The following LGSN variants were observed in gnomAD, a reference collection of about 807,000 sequenced individuals.
LGSN encodes lengsin.
A neutral mutation model predicts 19.5 loss-of-function variants in LGSN; 21 were observed. The ratio of observed to expected loss-of-function variants is 1.07; its 90% CI spans 0.76 to 1.55. LGSN has a LOEUF of 1.55. LGSN is among the 40% of genes most tolerant of loss of function. The pLI is 0.00. For missense variants in LGSN, 673 were observed against 608.5 expected (o/e 1.11, Z -1.12); for synonymous variants, 257 against 215.6 (o/e 1.19, Z -1.68).
the LGSN span, among the ~76,000 whole-genome samples, chr6:63,565,909 C>G: frequency 2.0e-5 from 3 of 152,312 alleles, no homozygotes; most frequent in South Asian, 6.2e-4. Context: ...TATTTAAGCA[C>G]TGCAAATTAT....
the LGSN span, among the ~76,000 whole-genome samples, chr6:63,348,840 C>G: frequency 4.6e-5 from 7 of 151,398 alleles, no homozygotes; most frequent in Non-Finnish European, 7.4e-5. Flanking sequence ...ATCCTCCTGC[C>G]TCGCCTTCCT....
chr6:63,380,955 G>C, the LGSN span, among the ~76,000 whole-genome samples: 7 of 152,162 alleles, frequency 4.6e-5, no homozygotes, highest in Admixed American at 3.9e-4. Flanking sequence ...CCAGCACTTT[G>C]AGAGGCCAAG....
the LGSN span, among the ~76,000 whole-genome samples, chr6:63,355,691 G>C: frequency 6.6e-6 from 1 of 152,016 alleles, no homozygotes; most frequent in Non-Finnish European, 1.5e-5. Context: ...TTTTTGTTTT[G>C]TTTTGAGACG....
chr6:63,397,402 A>G, the LGSN span, among the ~76,000 whole-genome samples: 1 of 152,022 alleles, frequency 6.6e-6, no homozygotes, highest in African/African-American at 2.4e-5. Flanking sequence ...AATTACGTGA[A>G]CAATTTTGAG....
chr6:63,510,551 T>G, the LGSN span, among the ~76,000 whole-genome samples: 1 of 150,046 alleles, frequency 6.7e-6, no homozygotes, highest in Non-Finnish European at 1.5e-5. Flanking sequence ...TCCCCCAGAG[T>G]TAATCTCTTC....
the LGSN span, among the ~76,000 whole-genome samples, chr6:63,392,907 T>G: frequency 7.3e-6 from 1 of 137,098 alleles, no homozygotes; most frequent in African/African-American, 2.9e-5. Context: ...TTTTTTTTGA[T>G]ATGGAGTCTT....
the LGSN span, among the ~76,000 whole-genome samples, chr6:63,496,049 C>T: frequency 2.8e-4 from 43 of 152,194 alleles, no homozygotes; most frequent in African/African-American, 1.0e-3. Context: ...GCCTCAGCCT[C>T]CCTAGTAGCT....
At chr6:63,345,619 G>A in the LGSN span, among the ~76,000 whole-genome samples, 3 of 152,226 alleles carry the variant, frequency 2.0e-5, no homozygotes, top group South Asian at 6.2e-4. Context: ...CAGATATCAT[G>A]TTCTCATTTC....
the LGSN span, among the ~76,000 whole-genome samples, chr6:63,521,542 T>C: frequency 3.3e-5 from 5 of 152,234 alleles, no homozygotes; most frequent in Non-Finnish European, 7.3e-5. Flanking sequence ...ATGCCATAAC[T>C]AAGTTTTATT....
the LGSN span, among the ~76,000 whole-genome samples, chr6:63,421,975 G>A: frequency 3.3e-5 from 5 of 152,250 alleles, no homozygotes; most frequent in East Asian, 3.9e-4. Flanking sequence ...AAGAAGCTGA[G>A]TGAAACCCAA....
At chr6:63,560,338 CAAAA>C in the LGSN span, among the ~76,000 whole-genome samples, 2 of 50,580 alleles carry the variant, frequency 4.0e-5, no homozygotes, top group Admixed American at 2.0e-4. Context: ...GACTCCGTCT[CAAAA>C]AAAAAAAAAA....
the LGSN span, among the ~76,000 whole-genome samples, chr6:63,422,827 A>G: frequency 6.6e-6 from 1 of 152,166 alleles, no homozygotes; most frequent in African/African-American, 2.4e-5. Context: ...TACAAACAGA[A>G]AATCAAAAAA....
intron 2 of LGSN, among the ~76,000 whole-genome samples, chr6:63,291,019 A>G (rs991434204): frequency 2.6e-5 from 4 of 152,226 alleles, no homozygotes; most frequent in Non-Finnish European, 4.4e-5. Context: ...AAGCCAAAGT[A>G]GAGAGAAATT....
intron 3 of LGSN, 84 bp from the exon 4 acceptor site, chr6:63,281,304 A>AAAATATATATATATATAT (rs1472299320): frequency 7.4e-6 from 1 of 135,468 alleles, no homozygotes; most frequent in Non-Finnish European, 1.4e-5. Context: ...TGCTAATGAA[A>AAAATATATATATATATAT]ATATATATAT....
chr6:63,313,053 G>T (rs1008440245), intron 1 of LGSN, among the ~76,000 whole-genome samples: 2 of 152,132 alleles, frequency 1.3e-5, no homozygotes, highest in African/African-American at 4.8e-5. Context: ...CTTGACAGTG[G>T]TTGGAATTAT....
the LGSN span, among the ~76,000 whole-genome samples, chr6:63,471,516 A>G: frequency 6.6e-6 from 1 of 151,750 alleles, no homozygotes; most frequent in African/African-American, 2.4e-5. Context: ...AAATACAAAA[A>G]TTAGCCAGGT....
the LGSN span, among the ~76,000 whole-genome samples, chr6:63,457,352 A>G: frequency 6.6e-6 from 1 of 152,064 alleles, no homozygotes; most frequent in Non-Finnish European, 1.5e-5. Flanking sequence ...TAAAAATACA[A>G]AATTTAGCCA....
the LGSN span, among the ~76,000 whole-genome samples, chr6:63,493,950 T>C: frequency 6.1e-5 from 7 of 114,676 alleles, no homozygotes; most frequent in Admixed American, 1.8e-4. Context: ...AGAAATCATT[T>C]CTTTTTTTTT....
rs531773499 is a variant in LGSN at position 63,310,834 on chromosome 6, C to T, written c.30+9080G>A. Among the ~76,000 whole-genome samples, 178 of 152,298 alleles carry T rather than the reference C, an allele frequency of 1.2e-3. 2 individuals are homozygous for T. In the Middle Eastern group the frequency reaches 0.017, roughly 15 times the overall value. On this transcript the variant is annotated intron_variant, in intron 1 of 3. Coordinates refer to ENST00000370657, the MANE Select transcript of LGSN (RefSeq NM_016571.3). ...CCATCAAAATGCTCACAAAATTACC[C>T]TTGTTCGATGCAAGGCATGAGCAGG... is the stretch of plus-strand genomic sequence containing the variant.
Sources: gnomAD v4.1 joint callset for allele counts (sites outside exome capture counted in the v4.1 genomes callset) on GRCh38, gnomAD v4.1.1 for gene constraint, MANE v1.5 for transcripts, NCBI Gene and HGNC (gene_info 2026-07-23, HGNC 2026-07-21) for gene names.